DENND5A: variants seen among roughly 807,000 people sequenced by gnomAD.
DENND5A encodes the protein DENN domain-containing protein 5A.
A neutral mutation model predicts 140.3 loss-of-function variants in DENND5A; 64 were observed. The ratio of observed to expected loss-of-function variants is 0.46; its 90% CI spans 0.37 to 0.56. The LOEUF is 0.56. DENND5A is among the 20% of genes least tolerant of loss of function. The pLI, the probability that DENND5A is intolerant of heterozygous loss-of-function variation, is 0.00. For missense variants in DENND5A, 1,292 were observed against 1,593.8 expected, an observed-to-expected ratio of 0.81 and a Z score of 3.22; for synonymous variants, 605 against 607.7, an observed-to-expected ratio of 1.00 and a Z score of 0.07.
Position 9,206,445 on chromosome 11 carries a change from G to A in DENND5A, c.291+228C>T, listed in dbSNP as rs534029957. ...AATAAGTTCACTGACACAATACTAT[G>A]TATTTCTCTGACACAACAGAAACAC... On this transcript the variant is annotated intron_variant, in intron 3 of 22. Coordinates refer to ENST00000328194, the MANE Select transcript of DENND5A (RefSeq NM_015213.4). 5.4e-4 allele frequency among the ~76,000 whole-genome samples: 82 copies of A among 152,228 alleles called. 1 individual carries two copies. Among genetic ancestry groups the A allele is most frequent in the African/African-American group, 2.0e-3 (82 of 41,538 alleles).
chr11:9,152,469 CTA>C, intron 12 of DENND5A, 27 bp from the exon 13 acceptor site: 1 of 1,529,868 alleles, frequency 6.5e-7, no homozygotes, highest in South Asian at 1.1e-5. Context: ...GGAGAAACAC[CTA>C]TCAGTTTAGA....
chr11:9,230,514 T>C (rs1850727225), intron 1 of DENND5A, among the ~76,000 whole-genome samples: 1 of 152,098 alleles, frequency 6.6e-6, no homozygotes, highest in African/African-American at 2.4e-5. Context: ...GAGCTGGGAT[T>C]ACAAGTGTGA....
chr11:9,205,842 A>C (rs1346642230), intron 3 of DENND5A, among the ~76,000 whole-genome samples: 1 of 152,182 alleles, frequency 6.6e-6, no homozygotes, highest in Non-Finnish European at 1.5e-5. Flanking sequence ...GGCTGCAGTG[A>C]GGCAAGATCA....
chr11:9,238,041 A>G lies in DENND5A; in HGVS notation c.109+26920T>C, dbSNP rs148209077. ...GTCCACCAGAAAGATCTTTGTTTTG[A>G]TGTGGGATCATCTTTTAAGATGTTG... On this transcript the variant is annotated intron_variant, in intron 1 of 22. Coordinates refer to ENST00000328194, the MANE Select transcript of DENND5A (RefSeq NM_015213.4). Among the ~76,000 whole-genome samples, 847 of 152,294 alleles carry G rather than the reference A, an allele frequency of 5.6e-3. 11 individuals are homozygous for G. Among genetic ancestry groups the G allele is most frequent in the African/African-American group, 0.019 (795 of 41,576 alleles).
rs1590241278 is a variant in DENND5A, at chr11:9,180,941, A to G, written c.1281T>C (p.His427=). 1.3e-5 allele frequency: 21 copies of G among 1,614,176 alleles called. No individual in the cohort carries two copies. In the African/African-American group the frequency reaches 1.3e-4, roughly 10 times the overall value. ...AFGIPPEGNL[H]CSESASKLKR... ...TCAGCTTGGAGGCACTCTCACTGCAATGAAGATTCCCTTCAGGGGGAATTC... is the reference window on the plus strand; with the variant it reads ...TCAGCTTGGAGGCACTCTCACTGCAGTGAAGATTCCCTTCAGGGGGAATTC... The change falls in exon 6 of 23, where the codon CAT becomes CAC. Residue 427 remains histidine, a synonymous_variant. Coordinates refer to ENST00000328194, the MANE Select transcript of DENND5A (RefSeq NM_015213.4).
chr11:9,217,578 T>C (rs1850144204), intron 1 of DENND5A, among the ~76,000 whole-genome samples: 1 of 152,210 alleles, frequency 6.6e-6, no homozygotes, highest in Non-Finnish European at 1.5e-5. Context: ...AGTAGATTAG[T>C]GTTTACCTGG....
chr11:9,169,100 T>C (rs1848281734), intron 10 of DENND5A, among the ~76,000 whole-genome samples: 1 of 152,148 alleles, frequency 6.6e-6, no homozygotes, highest in Admixed American at 6.5e-5. Flanking sequence ...AAGTCAAGAT[T>C]ATCTGTTTCA....
chr11:9,141,982 C>G lies in DENND5A; in HGVS notation c.3638G>C (p.Gly1213Ala). Residue 1213 changes from glycine to alanine, a missense_variant, in exon 22 of 23, where the codon GGC (glycine) becomes GCC (alanine). Gly to Ala is a moderately conservative substitution (Grantham distance 60). Around this residue, in one of 4 missense-constraint regions of DENND5A, gnomAD observed 498 missense variants for 689.7 expected, o/e 0.72. Transcript: ENST00000328194. ...CAGCATCTGAAACTTGCCATCCTTG[C>G]CGATGTTCCGGGGAGTATTGTTGAT... is the stretch of plus-strand genomic sequence containing the variant. The part of the protein sequence containing the change: ...TAINNTPRNI[G>A]KDGKFQMLVC... 6.2e-7 allele frequency: 1 copy of G among 1,603,444 alleles called. No individual in the cohort carries two copies. The highest frequency in any genetic ancestry group is 8.5e-7 in the Non-Finnish European group (1 of 1,175,072).
chr11:9,221,648 G>A (rs1850316951), intron 1 of DENND5A, among the ~76,000 whole-genome samples: 1 of 151,926 alleles, frequency 6.6e-6, no homozygotes, highest in South Asian at 2.1e-4. Context: ...TTACAGGCGT[G>A]AGCCACCGCG....
At chr11:9,163,069 T>C (rs1003089689) in intron 11 of DENND5A, among the ~76,000 whole-genome samples, 3 of 152,148 alleles carry the variant, frequency 2.0e-5, no homozygotes, top group Admixed American at 6.5e-5. Context: ...ATAACTGTTA[T>C]CCATTTCCAT....
intron 11 of DENND5A, among the ~76,000 whole-genome samples, chr11:9,162,168 T>C (rs1221784143): frequency 6.6e-6 from 1 of 150,996 alleles, no homozygotes; most frequent in East Asian, 1.9e-4. Flanking sequence ...TTAACCTTCT[T>C]ATTGTGAAAT....
chr11:9,196,839 G>A (rs1849346140), intron 4 of DENND5A, among the ~76,000 whole-genome samples: 1 of 151,694 alleles, frequency 6.6e-6, no homozygotes, highest in African/African-American at 2.4e-5. Flanking sequence ...TTAAGCTTCT[G>A]ATCTCAAGTG....
intron 4 of DENND5A, among the ~76,000 whole-genome samples, chr11:9,199,456 C>T (rs1849452573): frequency 6.6e-6 from 1 of 152,058 alleles, no homozygotes; most frequent in Admixed American, 6.6e-5. Context: ...CATGATTGTG[C>T]CACTGCACTC....
rs1847315912 is a variant in DENND5A, at chr11:9,143,453, C to T, written c.3337G>A (p.Gly1113Arg). The change falls in exon 20 of 23, where the codon GGG becomes AGG. Residue 1113 changes from glycine (G) to arginine (R), a missense_variant. Gly to Arg is a moderately radical substitution (Grantham distance 125). Around this residue, in one of 4 missense-constraint regions of DENND5A, gnomAD observed 498 missense variants for 689.7 expected, o/e 0.72. Coordinates refer to ENST00000328194, the MANE Select transcript of DENND5A (RefSeq NM_015213.4). ...TTCACAATGCCATTGACTGCCTCCC[C>T]GATGGACTCCTGGATCTGCCCAGTG... ...LNTGQIQESI[G>R]EAVNGIVKHF... is the part of the protein sequence containing the mutation. 1.9e-6 allele frequency: 3 copies of T among 1,614,200 alleles called. No individual in the cohort carries two copies. Among genetic ancestry groups the T allele is most frequent in the East Asian group, 2.2e-5 (1 of 44,890 alleles).
Position 9,203,874 on chromosome 11 carries a change from G to A in DENND5A, c.735C>T (p.Tyr245=), listed in dbSNP as rs1327931033. The change falls in exon 4 of 23, where the codon TAC becomes TAT. Residue 245 remains tyrosine, a synonymous_variant. Coordinates refer to ENST00000328194, the MANE Select transcript of DENND5A (RefSeq NM_015213.4). ...GGAGCGGCACCTCGTAGAGTACGTT[G>A]TATATGTAGCTCTCAAGGGGCAGTG... ...PPPLPLESYI[Y]NVLYEVPLPP... The A allele has an allele frequency of 1.7e-5, 28 of 1,614,076 alleles. No homozygotes were observed. The highest frequency in any genetic ancestry group is 2.4e-5 in the Non-Finnish European group (28 of 1,180,038).
intron 12 of DENND5A, among the ~76,000 whole-genome samples, chr11:9,157,603 A>C (rs1205751325): frequency 6.6e-6 from 1 of 152,164 alleles, no homozygotes; most frequent in Non-Finnish European, 1.5e-5. Flanking sequence ...CTGTTCCTAT[A>C]TGAGTTCACT....
Position 9,178,362 on chromosome 11 carries a change from G to A in DENND5A, c.1676C>T (p.Ser559Phe). ...REQMQNFDKA[S>F]FLSDQPEPYL... ...GGGCTCAGGCTGATCTGACAGAAAAGATGCCTGGTGGGACCAAAAAGAAGC... is the reference window on the plus strand; with the variant it reads ...GGGCTCAGGCTGATCTGACAGAAAAAATGCCTGGTGGGACCAAAAAGAAGC... Residue 559 changes from serine to phenylalanine, a missense_variant, in exon 8 of 23, where the codon TCT becomes TTT. By Grantham distance (155) the Ser-to-Phe change is radical. This residue lies in a region of DENND5A where 29 missense variants were observed against 64.7 expected (regional missense o/e 0.45). Coordinates refer to ENST00000328194, the MANE Select transcript of DENND5A (RefSeq NM_015213.4). 6.2e-7 allele frequency: 1 copy of A among 1,606,716 alleles called. No homozygotes were observed. Among genetic ancestry groups the A allele is most frequent in the Non-Finnish European group, 8.5e-7 (1 of 1,173,682 alleles).
intron 4 of DENND5A, among the ~76,000 whole-genome samples, chr11:9,197,586 T>C (rs986823917): frequency 1.3e-5 from 2 of 151,580 alleles, no homozygotes; most frequent in African/African-American, 2.4e-5. Context: ...TCCCAGCTAC[T>C]TGGGGGGCTG....
chr11:9,157,498 A>G (rs927982708), intron 12 of DENND5A, among the ~76,000 whole-genome samples: 3 of 152,080 alleles, frequency 2.0e-5, no homozygotes, highest in Non-Finnish European at 2.9e-5. Flanking sequence ...TCCACTCTCA[A>G]GCAGGCCTTG....
Sources: allele counts gnomAD v4.1 joint callset (sites outside exome capture counted in the v4.1 genomes callset), GRCh38; gene constraint gnomAD v4.1.1; regional missense constraint gnomAD v4.1.1; transcripts MANE v1.5; gene names NCBI Gene and HGNC (gene_info 2026-07-23, HGNC 2026-07-21).